Variants in MEIS2 observed in about 807,000 individuals in gnomAD.
MEIS2 encodes Meis homeobox 2.
A neutral mutation model predicts 58.6 loss-of-function variants in MEIS2; 9 were observed. The observed-to-expected ratio is 0.15, with a 90% CI of 0.09 to 0.27. The LOEUF (loss-of-function observed/expected upper bound fraction) is 0.27, where lower values mean the gene tolerates loss of function less well. Among genes scored for constraint, MEIS2 ranks in the 10% least tolerant of loss-of-function variants. The probability of loss-of-function intolerance (pLI) is 1.00; values close to 1 mark genes in which losing one functional copy is unlikely to be tolerated. For missense variants in MEIS2, 427 were observed against 635.0 expected, an observed-to-expected ratio of 0.67 and a Z score of 3.52; for synonymous variants, 221 against 228.4, an observed-to-expected ratio of 0.97 and a Z score of 0.29.
chr15:36,947,419 T>C (rs2058606364), intron 9 of MEIS2, among the ~76,000 whole-genome samples: 1 of 152,042 alleles, frequency 6.6e-6, no homozygotes, highest in African/African-American at 2.4e-5. Context: ...CTGGCTGATA[T>C]TAACAGGTCT....
intron 8 of MEIS2, among the ~76,000 whole-genome samples, chr15:36,990,705 G>A (rs2060243514): frequency 1.3e-5 from 2 of 151,732 alleles, no homozygotes; most frequent in Admixed American, 1.3e-4. Flanking sequence ...TAAAGTGCAC[G>A]ATTTGATGTA....
chr15:36,955,808 T>C (rs999889039), intron 8 of MEIS2, among the ~76,000 whole-genome samples: 1 of 151,974 alleles, frequency 6.6e-6, no homozygotes, highest in African/African-American at 2.4e-5. Context: ...GTTTCTATAT[T>C]CAAATTTCTA....
rs142466539 is a variant in MEIS2 at position 36,916,395 on chromosome 15, C to T, written c.978-19709G>A. 7.4e-3 allele frequency among the ~76,000 whole-genome samples: 1,108 copies of T among 149,008 alleles called. 13 individuals carry two copies. Among genetic ancestry groups the T allele is most frequent in the African/African-American group, 0.026 (1,064 of 40,194 alleles). On this transcript the variant is annotated intron_variant, in intron 9 of 11. Coordinates refer to ENST00000561208, the MANE Select transcript of MEIS2 (RefSeq NM_170675.5). ...TGAGCTGAGACCGCACCGCTGCACT[C>T]CAGCCTGGGTGATGGAGCGAGACTC...
At position 37,012,498 on chromosome 15, in the gene MEIS2, G is replaced by A. The variant is rs137895757; in HGVS notation, c.900+24316C>T. The stretch of plus-strand genomic sequence containing the variant: ...ACAAAGTAGTCCACAGGTGACGTGT[G>A]CCCACAAAAAGGTCCCATGAATTTC... On this transcript the variant is annotated intron_variant, in intron 8 of 11. Coordinates refer to ENST00000561208, the MANE Select transcript of MEIS2 (RefSeq NM_170675.5). Among the ~76,000 whole-genome samples, 92 of 152,264 alleles carry A rather than the reference G, an allele frequency of 6.0e-4. No homozygotes were observed. The East Asian group carries it at 0.018, about 29-fold the overall frequency.
rs1048086762 is a variant in MEIS2, at chr15:37,036,954, C to A, written c.760G>T (p.Gly254Cys). Residue 254 changes from glycine (G) to cysteine (C), a missense_variant, in exon 8 of 12, where the codon GGT (glycine) becomes TGT (cysteine). Around this residue, in one of 6 missense-constraint regions of MEIS2, gnomAD observed 138 missense variants for 263.0 expected, o/e 0.52. Coordinates refer to ENST00000561208, the MANE Select transcript of MEIS2 (RefSeq NM_170675.5). ...GGTGAAGCTACACTGTTGTCTAAAC[C>A]ATCCCCTAGTAGAAAGAAATAAAAA... ...SGDNSSEQGDGLDNSVASPGT... is the reference protein window; with the variant it reads ...SGDNSSEQGDCLDNSVASPGT... 4 of 1,604,526 alleles carry A rather than the reference C, an allele frequency of 2.5e-6. No individual in the cohort carries two copies. Among genetic ancestry groups the A allele is most frequent in the Non-Finnish European group, 3.4e-6 (4 of 1,177,298 alleles).
At chr15:36,988,069 A>G (rs2060150126) in intron 8 of MEIS2, among the ~76,000 whole-genome samples, 2 of 152,280 alleles carry the variant, frequency 1.3e-5, no homozygotes, top group East Asian at 3.9e-4. Flanking sequence ...ACTATAGTTA[A>G]TCATGTTGGA....
chr15:36,947,718 A>G (rs2058619077), intron 9 of MEIS2, among the ~76,000 whole-genome samples: 1 of 151,802 alleles, frequency 6.6e-6, no homozygotes, highest in Non-Finnish European at 1.5e-5. Flanking sequence ...TGACTGAATG[A>G]GTTTGTTTAG....
chr15:36,960,029 G>T (rs542860040), intron 8 of MEIS2, among the ~76,000 whole-genome samples: 1 of 151,786 alleles, frequency 6.6e-6, no homozygotes, highest in Non-Finnish European at 1.5e-5. Flanking sequence ...AAAAAGTCTA[G>T]GTGAAAAAAA....
intron 8 of MEIS2, among the ~76,000 whole-genome samples, chr15:36,976,682 A>C (rs1205553753): frequency 6.6e-6 from 1 of 151,928 alleles, no homozygotes; most frequent in Admixed American, 6.6e-5. Flanking sequence ...TTGCAGAAAA[A>C]AATTAACAGA....
At chr15:36,909,651 C>A (rs1013351424) in intron 9 of MEIS2, among the ~76,000 whole-genome samples, 1 of 152,050 alleles carries the variant, frequency 6.6e-6, no homozygotes, top group South Asian at 2.1e-4. Flanking sequence ...GTTAAAGGTG[C>A]GAATCTATCT....
At chr15:36,963,424 T>C (rs953030563) in intron 8 of MEIS2, among the ~76,000 whole-genome samples, 1 of 149,920 alleles carries the variant, frequency 6.7e-6, no homozygotes, top group Admixed American at 6.6e-5. Context: ...ACCTGGATAC[T>C]GAGGAAACTA....
chr15:37,092,135 G>A (rs190131751), intron 6 of MEIS2, among the ~76,000 whole-genome samples: 92 of 152,264 alleles, frequency 6.0e-4, no homozygotes, highest in African/African-American at 2.2e-3. Flanking sequence ...ATGGAAAAAG[G>A]TAAGGGTAAA....
In MEIS2 at chr15:37,098,059, G is replaced by A. The variant is rs140890748; in HGVS notation, c.153C>T (p.Tyr51=). ...HGPPLHATQH[Y]GAHAPHPNVM... is the part of the protein sequence containing the mutation. ...CATTGGGGTGCGGGGCGTGCGCGCC[G>A]TAGTGCTGTGTGGCGTGGAGCGGCG... is the stretch of plus-strand genomic sequence containing the variant. Residue 51 remains tyrosine, a synonymous_variant, in exon 2 of 12, where the codon TAC becomes TAT. Coordinates refer to ENST00000561208, the MANE Select transcript of MEIS2 (RefSeq NM_170675.5). 43 of 1,613,780 alleles carry A rather than the reference G, an allele frequency of 2.7e-5. No homozygotes were observed. The African/African-American group carries it at 4.8e-4, about 18-fold the overall frequency.
chr15:37,055,647 A>G (rs1048996785), intron 7 of MEIS2, among the ~76,000 whole-genome samples: 1 of 152,184 alleles, frequency 6.6e-6, no homozygotes, highest in Non-Finnish European at 1.5e-5. Context: ...TTCTCCTTGA[A>G]CAAATGCTGC....
intron 8 of MEIS2, among the ~76,000 whole-genome samples, chr15:36,990,757 C>T (rs967188117): frequency 6.6e-6 from 1 of 150,648 alleles, no homozygotes; most frequent in African/African-American, 2.4e-5. Flanking sequence ...AAAAACTTAA[C>T]ATTTTTAGTA....
intron 7 of MEIS2, among the ~76,000 whole-genome samples, chr15:37,038,995 C>T (rs1011038854): frequency 6.6e-6 from 1 of 152,188 alleles, no homozygotes; most frequent in Non-Finnish European, 1.5e-5. Context: ...AAAATACAGA[C>T]ACTGGAGCGA....
chr15:37,031,993 C>G (rs1185138084), intron 8 of MEIS2, among the ~76,000 whole-genome samples: 2 of 152,018 alleles, frequency 1.3e-5, no homozygotes, highest in Non-Finnish European at 2.9e-5. Context: ...CATGTGTGCA[C>G]CACACCCGGC....
intron 9 of MEIS2, among the ~76,000 whole-genome samples, chr15:36,939,339 A>G (rs901582021): frequency 4.6e-5 from 7 of 152,304 alleles, no homozygotes; most frequent in Admixed American, 1.3e-4. Flanking sequence ...AAAAATCCCA[A>G]AGCAATCTGG....
chr15:36,962,138 T>C (rs1052627633), intron 8 of MEIS2, among the ~76,000 whole-genome samples: 2 of 152,232 alleles, frequency 1.3e-5, no homozygotes, highest in Non-Finnish European at 2.9e-5. Context: ...TTTGAATTGT[T>C]GGTTGCTGTT....
Sources: allele counts gnomAD v4.1 joint callset (sites outside exome capture counted in the v4.1 genomes callset), GRCh38; gene constraint gnomAD v4.1.1; regional missense constraint gnomAD v4.1.1; transcripts MANE v1.5; gene names NCBI Gene and HGNC (gene_info 2026-07-23, HGNC 2026-07-21).